TSR3: variants seen among roughly 807,000 people sequenced by gnomAD.
TSR3 encodes TSR3 ribosome maturation factor.
TSR3 carries 31 observed loss-of-function variants against 28.1 expected under a neutral mutation model. The ratio of observed to expected loss-of-function variants is 1.10; its 90% CI spans 0.83 to 1.49. The LOEUF (loss-of-function observed/expected upper bound fraction) is 1.49, where lower values mean the gene tolerates loss of function less well. Ranked by LOEUF, TSR3 falls within the 40% of genes most tolerant of loss-of-function variation. The pLI, the probability that TSR3 is intolerant of heterozygous loss-of-function variation, is 0.00. For missense variants in TSR3, 511 were observed against 444.0 expected, an observed-to-expected ratio of 1.15 and a Z score of -1.36; for synonymous variants, 219 against 197.2, an observed-to-expected ratio of 1.11 and a Z score of -0.93.
chr16:1,351,422 C>A lies in TSR3; in HGVS notation c.289G>T (p.Val97Leu). 6.3e-7 allele frequency: 1 copy of A among 1,595,976 alleles called. No homozygotes were observed. The highest frequency in any genetic ancestry group is 8.5e-7 in the Non-Finnish European group (1 of 1,178,958). ...LRLGHRFGGL[V>L]LSPVGKQYAS... Reference sequence around the variant, plus strand: ...TACTGCTTGCCCACGGGGCTCAGCACCAGACCGCCGAATCTGTGGCCCAGG... The same window carrying A: ...TACTGCTTGCCCACGGGGCTCAGCAACAGACCGCCGAATCTGTGGCCCAGG... The change falls in exon 2 of 6, where the codon GTG (valine) becomes TTG (leucine). Residue 97 changes from valine (V) to leucine (L), a missense_variant. Transcript: ENST00000007390.
At position 1,350,215 on chromosome 16, in the gene TSR3, G is replaced by A. The variant is rs754293003; in HGVS notation, c.546C>T (p.Val182=). 80 of 1,599,530 alleles carry A rather than the reference G, an allele frequency of 5.0e-5. No individual in the cohort carries two copies. Among genetic ancestry groups the A allele is most frequent in the Non-Finnish European group, 6.5e-5 (76 of 1,177,780 alleles). The change falls in exon 4 of 6, where the codon GTC becomes GTT. Residue 182 remains valine, a synonymous_variant. Coordinates refer to ENST00000007390, the MANE Select transcript of TSR3 (RefSeq NM_001001410.3). ...CCCATTTAAACTTCCGCAGCAAAATGACAGCAAGGTCTGGAAAGCCTGACG... is the reference window on the plus strand; with the variant it reads ...CCCATTTAAACTTCCGCAGCAAAATAACAGCAAGGTCTGGAAAGCCTGACG... ...FCIVGFPDLA[V]ILLRKFKWGK...
At chr16:1,351,627 C>A in intron 1 of TSR3, 29 bp from the exon 2 acceptor site, 1 of 1,450,202 alleles carries the variant, frequency 6.9e-7, no homozygotes, top group Non-Finnish European at 9.0e-7. Context: ...GGCACTCGGC[C>A]TCAGCGTGGG....
In TSR3 at chr16:1,351,495, G is replaced by A. The variant is rs542230207; in HGVS notation, c.216C>T (p.Arg72=). The change falls in exon 2 of 6, where the codon CGC becomes CGT. Residue 72 remains arginine (R), a synonymous_variant. Transcript: ENST00000007390. Reference sequence around the variant, plus strand: ...GGCGGGCCAGCTTGCGGCCCGTGCAGCGCCGGGGGTCGCAGTGGCCCAACT... The same window carrying A: ...GGCGGGCCAGCTTGCGGCCCGTGCAACGCCGGGGGTCGCAGTGGCCCAACT... The part of the protein sequence containing the change: ...MWELGHCDPR[R]CTGRKLARLG... The A allele has an allele frequency of 5.0e-5, 78 of 1,559,778 alleles. No individual in the cohort carries two copies. In the South Asian group the frequency reaches 8.4e-4, roughly 17 times the overall value.
rs762896376 is a variant in TSR3 at position 1,349,311 on chromosome 16, G to A, written c.*126C>T. The stretch of plus-strand genomic sequence containing the variant: ...GAGCACAGCTGTGCTGGAAGTGTGG[G>A]GAGAACCCGGACAGCTCAGTCCTGC... On this transcript the variant is annotated 3_prime_UTR_variant, in exon 6 of 6. Coordinates refer to ENST00000007390, the MANE Select transcript of TSR3 (RefSeq NM_001001410.3). 20 of 1,052,440 alleles carry A rather than the reference G, an allele frequency of 1.9e-5. No individual in the cohort carries two copies. The highest frequency in any genetic ancestry group is 2.8e-5 in the Non-Finnish European group (19 of 679,166). The allele number at this position is 1,052,440 out of a possible 1,614,324, so 65.2% of individuals were successfully genotyped here. A position where few individuals can be genotyped will look rare whatever the true frequency, so the allele number is the denominator to read the frequency against.
At position 1,350,815 on chromosome 16, in the gene TSR3, C is replaced by G; in HGVS notation, c.518G>C (p.Cys173Ser). ...SCVEAFAATF[C>S]IVGFPDLAVI... ...GGGGCCCCTGGACTCACCTACGATG[C>G]AGAAGGTGGCAGCAAACGCTTCCAC... Residue 173 changes from cysteine (C) to serine (S), a missense_variant, in exon 3 of 6, where the codon TGC becomes TCC. Physicochemically the swap from Cys to Ser is moderately radical, Grantham distance 112. Transcript: ENST00000007390. 1 of 1,612,624 alleles carries G rather than the reference C, an allele frequency of 6.2e-7. No individual in the cohort carries two copies. Among genetic ancestry groups the G allele is most frequent in the Non-Finnish European group, 8.5e-7 (1 of 1,179,666 alleles).
rs1437168828 is a variant in TSR3, at chr16:1,351,846, G to T, written c.-42C>A. On this transcript the variant is annotated 5_prime_UTR_variant, in exon 1 of 6. Transcript: ENST00000007390. ...GCCGGGGACTCCCCACCCCACGGCC[G>T]CGCCCCTCGGCCTCCCAATGGGCTG... The T allele has an allele frequency of 7.1e-6, 9 of 1,275,952 alleles. No individual in the cohort carries two copies. The highest frequency in any genetic ancestry group is 8.9e-6 in the Non-Finnish European group (9 of 1,015,618). 79.0% of individuals were successfully genotyped at this position (1,275,952 alleles called of 1,614,324 possible).
Position 1,349,620 on chromosome 16 carries a change from G to T in TSR3, c.768-12C>A. ...TGTCCGAGGGCAGCCTGGGAGAGGAGGGGGAGCACGTTCCCAAATGACGTC... is the reference window on the plus strand; with the variant it reads ...TGTCCGAGGGCAGCCTGGGAGAGGATGGGGAGCACGTTCCCAAATGACGTC... On this transcript the variant is annotated splice_polypyrimidine_tract_variant and intron_variant, in intron 5 of 5. Transcript: ENST00000007390. 1 of 1,575,324 alleles carries T rather than the reference G, an allele frequency of 6.3e-7. No individual in the cohort carries two copies. The highest frequency in any genetic ancestry group is 1.9e-5 in the Admixed American group (1 of 53,880).
intron 5 of TSR3, 71 bp downstream of exon 5, chr16:1,349,818 G>A: frequency 1.3e-6 from 2 of 1,574,464 alleles, no homozygotes; most frequent in Non-Finnish European, 1.7e-6. Flanking sequence ...CAGGCAGCAG[G>A]AAGGGCTCAG....
Position 1,351,824 on chromosome 16 carries a change from G to T in TSR3, c.-20C>A. The T allele has an allele frequency of 4.6e-6, 6 of 1,302,488 alleles. No homozygotes were observed. The highest frequency in any genetic ancestry group is 5.8e-6 in the Non-Finnish European group (6 of 1,030,408). The allele number at this position is 1,302,488 out of a possible 1,614,324, so 80.7% of individuals were successfully genotyped here. On this transcript the variant is annotated 5_prime_UTR_variant, in exon 1 of 6. Coordinates refer to ENST00000007390, the MANE Select transcript of TSR3 (RefSeq NM_001001410.3). ...GCCCATGGCGCGGACCTGGGGTGCC[G>T]GGGACTCCCCACCCCACGGCCGCGC...
chr16:1,349,635 C>T (rs1468618661), intron 5 of TSR3, 27 bp from the exon 6 acceptor site: 2 of 1,564,396 alleles, frequency 1.3e-6, no homozygotes, highest in Non-Finnish European at 1.7e-6. Context: ...AGCACGTTCC[C>T]AAATGACGTC....
Position 1,351,446 on chromosome 16 carries a change from G to C in TSR3, c.265C>G (p.Leu89Val). ...ACCAGACCGCCGAATCTGTGGCCCA[G>C]GCGCAGGCAGCGCACCAGCCCCAGG... is the stretch of plus-strand genomic sequence containing the variant. ...ARLGLVRCLR[L>V]GHRFGGLVLS... The change falls in exon 2 of 6, where the codon CTG becomes GTG. Residue 89 changes from leucine to valine, a missense_variant. Leu to Val is a conservative substitution (Grantham distance 32). Transcript: ENST00000007390. 6.3e-7 allele frequency: 1 copy of C among 1,594,350 alleles called. No homozygotes were observed. The highest frequency in any genetic ancestry group is 8.5e-7 in the Non-Finnish European group (1 of 1,178,230).
At chr16:1,349,692 CGAG>C (rs1320748342) in intron 5 of TSR3, 84 bp from the exon 6 acceptor site, 9 of 1,486,666 alleles carry the variant, frequency 6.1e-6, no homozygotes, top group Non-Finnish European at 7.2e-6. Context: ...AGCCCCCAGC[CGAG>C]GACAGATTCC....
In TSR3 at chr16:1,351,605, G is replaced by A. The variant is rs2141632042; in HGVS notation, c.113-7C>T. ...GCCCCTGGCTCCACGGAAGCTGCACGAGAGAGAGAAGGGCACTCGGCCTCA... is the reference window on the plus strand; with the variant it reads ...GCCCCTGGCTCCACGGAAGCTGCACAAGAGAGAGAAGGGCACTCGGCCTCA... On this transcript the variant is annotated splice_region_variant and splice_polypyrimidine_tract_variant and intron_variant, in intron 1 of 5. Coordinates refer to ENST00000007390, the MANE Select transcript of TSR3 (RefSeq NM_001001410.3). 1 of 1,469,798 alleles carries A rather than the reference G, an allele frequency of 6.8e-7. No individual in the cohort carries two copies. Among genetic ancestry groups the A allele is most frequent in the Non-Finnish European group, 8.9e-7 (1 of 1,119,650 alleles). 91.0% of individuals were successfully genotyped at this position (1,469,798 alleles called of 1,614,324 possible). A position where few individuals can be genotyped will look rare whatever the true frequency, so the allele number is the denominator to read the frequency against.
In TSR3 at chr16:1,349,493, C is replaced by CA; in HGVS notation, c.882dup (p.Glu295Ter). The CA allele has an allele frequency of 6.2e-7, 1 of 1,613,736 alleles. No homozygotes were observed. Among genetic ancestry groups the CA allele is most frequent in the East Asian group, 2.2e-5 (1 of 44,888 alleles). On this transcript the variant is annotated frameshift_variant, in exon 6 of 6. Coordinates refer to ENST00000007390, the MANE Select transcript of TSR3 (RefSeq NM_001001410.3). LOFTEE classifies it high-confidence loss of function. ...CAAACCTCAGCCGGGGCCCTGGCCT[C>CA]AGCCCCCCGTCCCTGCGTCTGCTCC...
intron 4 of TSR3, 38 bp downstream of exon 4, chr16:1,350,020 C>T (rs754984027): frequency 7.5e-6 from 12 of 1,610,270 alleles, no homozygotes; most frequent in Non-Finnish European, 9.3e-6. Context: ...ACCCCCCAGG[C>T]TTTGGAGGGC....
At chr16:1,349,867 G>A in intron 5 of TSR3, 22 bp downstream of exon 5, 1 of 1,613,380 alleles carries the variant, frequency 6.2e-7, no homozygotes, top group Non-Finnish European at 8.5e-7. Context: ...GAGTGATCAT[G>A]AAATTAAGCC....
rs1274855052 is a variant in TSR3 at position 1,351,763 on chromosome 16, G to A, written c.42C>T (p.Gly14=). The change falls in exon 1 of 6, where the codon GGC becomes GGT. Residue 14 remains glycine (G), a synonymous_variant. Coordinates refer to ENST00000007390, the MANE Select transcript of TSR3 (RefSeq NM_001001410.3). ...RRAARGPGAE[G]GRPRHLPTRS... ...GCGTCGGGAGGTGCCGAGGGCGGCC[G>A]CCTTCCGCCCCCGGCCCGCGCGCTG... 11 of 1,352,180 alleles carry A rather than the reference G, an allele frequency of 8.1e-6. No individual in the cohort carries two copies. Among genetic ancestry groups the A allele is most frequent in the South Asian group, 1.8e-5 (1 of 55,922 alleles). 83.8% of individuals were successfully genotyped at this position (1,352,180 alleles called of 1,614,324 possible).
At position 1,351,527 on chromosome 16, in the gene TSR3, T is replaced by C; in HGVS notation, c.184A>G (p.Met62Val). The change falls in exon 2 of 6, where the codon ATG (methionine) becomes GTG (valine). Residue 62 changes from methionine to valine, a missense_variant. Transcript: ENST00000007390. Reference sequence around the variant, plus strand: ...GGGTCGCAGTGGCCCAACTCCCACATGGCCAGCGTGCAGGGCAGCGCCGCC... The same window carrying C: ...GGGTCGCAGTGGCCCAACTCCCACACGGCCAGCGTGCAGGGCAGCGCCGCC... Reference protein sequence around the residue: ...GPAALPCTLAMWELGHCDPRR... With the variant: ...GPAALPCTLAVWELGHCDPRR... 2 of 1,521,854 alleles carry C rather than the reference T, an allele frequency of 1.3e-6. No homozygotes were observed. Among genetic ancestry groups the C allele is most frequent in the South Asian group, 1.2e-5 (1 of 82,612 alleles). The allele number at this position is 1,521,854 out of a possible 1,614,324, so 94.3% of individuals were successfully genotyped here.
intron 1 of TSR3, 42 bp downstream of exon 1, chr16:1,351,651 C>A: frequency 7.0e-7 from 1 of 1,420,784 alleles, no homozygotes; most frequent in Non-Finnish European, 9.1e-7. Context: ...CCCGGGCAGG[C>A]CCTCAAACCC....
Sources: gnomAD v4.1 joint callset for allele counts on GRCh38, gnomAD v4.1.1 for gene constraint, MANE v1.5 for transcripts, NCBI Gene and HGNC (gene_info 2026-07-23, HGNC 2026-07-21) for gene names.